Variants in TSPAN15 observed in about 807,000 individuals in gnomAD.
TSPAN15 encodes tetraspanin-15.
In TSPAN15, 20 loss-of-function variants were observed where a neutral mutation model predicts 34.5. The observed-to-expected ratio is 0.58, with a 90% CI of 0.41 to 0.84. TSPAN15 has a LOEUF of 0.84. Among genes scored for constraint, TSPAN15 ranks in the 40% least tolerant of loss-of-function variants. The pLI is 0.00. For missense variants in TSPAN15, 313 were observed against 386.1 expected (o/e 0.81, Z 1.59); for synonymous variants, 155 against 153.9 (o/e 1.01, Z -0.05).
At position 69,495,722 on chromosome 10, in the gene TSPAN15, T is replaced by C. The variant is rs777230316; in HGVS notation, c.453+33T>C. On this transcript the variant is annotated intron_variant, in intron 4 of 7. Transcript: ENST00000373290. ...AGGCGCTTTGGGGTAGAGATGCGCC[T>C]CCCGTGCTCTTAGCCCCCCATTCAG... The C allele has an allele frequency of 7.5e-6, 11 of 1,472,370 alleles. No homozygotes were observed. In the African/African-American group the frequency reaches 1.5e-4, roughly 20 times the overall value. The allele number at this position is 1,472,370 out of a possible 1,614,324, so 91.2% of individuals were successfully genotyped here. A position where few individuals can be genotyped will look rare whatever the true frequency, so the allele number is the denominator to read the frequency against.
the TSPAN15 span, among the ~76,000 whole-genome samples, chr10:69,539,482 GAGAAGA>G: frequency 1.0e-4 from 7 of 67,054 alleles, no homozygotes; most frequent in East Asian, 8.8e-4. Flanking sequence ...GAAGGAGAAG[GAGAAGA>G]AGAAGAAGAA....
At chr10:69,534,757 A>T in the TSPAN15 span, among the ~76,000 whole-genome samples, 1 of 146,454 alleles carries the variant, frequency 6.8e-6, no homozygotes, top group African/African-American at 2.5e-5. Context: ...CTGAGGTGGG[A>T]GGATTGTCTG....
intron 5 of TSPAN15, among the ~76,000 whole-genome samples, chr10:69,503,882 C>T (rs1294371223): frequency 6.6e-6 from 1 of 152,136 alleles, no homozygotes; most frequent in Non-Finnish European, 1.5e-5. Flanking sequence ...CTAAATTAAT[C>T]AGTAGTCGGG....
In TSPAN15 at chr10:69,462,162, T is replaced by TTTTTG. The variant is rs1260190170; in HGVS notation, c.96+10476_96+10477insGTTTT. The stretch of plus-strand genomic sequence containing the variant: ...TACCTGGCTAATTTTAAAGTTTTTT[T>TTTTTG]TTTTTTTTTTTTTTTTTTTGTAGAA... On this transcript the variant is annotated intron_variant, in intron 1 of 7. Coordinates refer to ENST00000373290, the MANE Select transcript of TSPAN15 (RefSeq NM_012339.5). Among the ~76,000 whole-genome samples, 8 of 118,528 alleles carry TTTTTG rather than the reference T, an allele frequency of 6.7e-5. 1 individual carries two copies. Among genetic ancestry groups the TTTTTG allele is most frequent in the African/African-American group, 2.1e-4 (6 of 28,580 alleles). The allele number at this position is 118,528 out of a possible 152,430, so 77.8% of individuals were successfully genotyped here.
chr10:69,461,410 G>C (rs987881862), intron 1 of TSPAN15, among the ~76,000 whole-genome samples: 1 of 152,202 alleles, frequency 6.6e-6, no homozygotes, highest in Non-Finnish European at 1.5e-5. Flanking sequence ...GCCCAGATGG[G>C]CTTGTTTTTC....
intron 1 of TSPAN15, among the ~76,000 whole-genome samples, chr10:69,474,559 C>T (rs1042456018): frequency 1.3e-5 from 2 of 152,048 alleles, no homozygotes; most frequent in African/African-American, 4.8e-5. Flanking sequence ...CCTATAGTTA[C>T]GAGTGGTGGA....
chr10:69,470,163 A>G (rs141081069), intron 1 of TSPAN15, among the ~76,000 whole-genome samples: 101 of 152,280 alleles, frequency 6.6e-4, no homozygotes, highest in African/African-American at 2.4e-3. Flanking sequence ...GAGTTGCTTC[A>G]TAGCTTCACA....
chr10:69,460,606 A>G (rs1410004030), intron 1 of TSPAN15, among the ~76,000 whole-genome samples: 1 of 152,106 alleles, frequency 6.6e-6, no homozygotes, highest in Non-Finnish European at 1.5e-5. Context: ...GGTTCCATCA[A>G]GGGCCAGTCT....
At chr10:69,508,699 C>T (rs74457735), downstream of TSPAN15, among the ~76,000 whole-genome samples, 5,394 of 152,208 alleles carry the variant, frequency 0.035, 169 homozygotes, top group Non-Finnish European at 0.051. Flanking sequence ...TTAATCCTCA[C>T]GACTAGGGTA....
chr10:69,529,902 C>T, the TSPAN15 span, among the ~76,000 whole-genome samples: 1 of 145,432 alleles, frequency 6.9e-6, no homozygotes, highest in Non-Finnish European at 1.5e-5. Context: ...TTTGCATCCT[C>T]ATAGCTTAGC....
the TSPAN15 span, among the ~76,000 whole-genome samples, chr10:69,517,691 G>A: frequency 3.9e-5 from 6 of 152,198 alleles, no homozygotes; most frequent in Admixed American, 2.0e-4. Context: ...GGAGGGGAAC[G>A]GGCCTGTGGA....
intron 2 of TSPAN15, among the ~76,000 whole-genome samples, chr10:69,484,523 C>T (rs924835905): frequency 5.9e-5 from 9 of 152,234 alleles, no homozygotes; most frequent in Non-Finnish European, 1.2e-4. Flanking sequence ...GATCCATTCA[C>T]TCTGCACTTG....
intron 1 of TSPAN15, among the ~76,000 whole-genome samples, chr10:69,461,140 T>G (rs1841244763): frequency 1.3e-5 from 2 of 152,164 alleles, no homozygotes; most frequent in African/African-American, 4.8e-5. Context: ...CACAGTTTGC[T>G]TCATCTCTTT....
At chr10:69,539,441 GGAAGAAGAA>G in the TSPAN15 span, among the ~76,000 whole-genome samples, 13 of 65,430 alleles carry the variant, frequency 2.0e-4, no homozygotes, top group African/African-American at 7.7e-4. Flanking sequence ...AGAAGAAGAA[GGAAGAAGAA>G]GAAGAAGAAG....
the TSPAN15 span, among the ~76,000 whole-genome samples, chr10:69,547,158 C>T: frequency 4.6e-5 from 7 of 151,844 alleles, no homozygotes; most frequent in African/African-American, 1.4e-4. Flanking sequence ...GCTGAGATGG[C>T]GCCACTGCAC....
intron 1 of TSPAN15, among the ~76,000 whole-genome samples, chr10:69,481,180 G>T (rs1234502285): frequency 6.6e-6 from 1 of 152,190 alleles, no homozygotes; most frequent in Non-Finnish European, 1.5e-5. Context: ...TCATTTTCCT[G>T]TAGAGGATGA....
At chr10:69,459,926 C>CG (rs200017005) in intron 1 of TSPAN15, among the ~76,000 whole-genome samples, 2 of 133,256 alleles carry the variant, frequency 1.5e-5, no homozygotes, top group South Asian at 2.5e-4. Flanking sequence ...AGGCACCCCC[C>CG]CCCCACGAAT....
Position 69,507,051 on chromosome 10 carries a change from GACAGGGC to G in TSPAN15, c.*74_*80del. On this transcript the variant is annotated 3_prime_UTR_variant, in exon 8 of 8. Coordinates refer to ENST00000373290, the MANE Select transcript of TSPAN15 (RefSeq NM_012339.5). ...CCTCTCAGTCAACATCGTGGGGCTGGACAGGGCTGCGGCCCCTCTGCCCACACTCAGT... is the reference window on the plus strand; with the variant it reads ...CCTCTCAGTCAACATCGTGGGGCTGGTGCGGCCCCTCTGCCCACACTCAGT... 1 of 1,562,124 alleles carries G rather than the reference GACAGGGC, an allele frequency of 6.4e-7. No individual in the cohort carries two copies. Among genetic ancestry groups the G allele is most frequent in the Non-Finnish European group, 8.7e-7 (1 of 1,155,220 alleles).
chr10:69,505,422 G>A (rs1212736359), intron 6 of TSPAN15, among the ~76,000 whole-genome samples: 5 of 152,122 alleles, frequency 3.3e-5, no homozygotes, highest in Admixed American at 2.6e-4. Context: ...CATACCATGG[G>A]CATCATTTTT....
Sources: gnomAD v4.1 joint callset for allele counts (sites outside exome capture counted in the v4.1 genomes callset) on GRCh38, gnomAD v4.1.1 for gene constraint, MANE v1.5 for transcripts, NCBI Gene and HGNC (gene_info 2026-07-23, HGNC 2026-07-21) for gene names.